FGF12: variants seen among roughly 807,000 people sequenced by gnomAD.
FGF12 encodes fibroblast growth factor 12B.
In FGF12, 14 loss-of-function variants were observed where a neutral mutation model predicts 23.6. The observed-to-expected ratio is 0.59, with a 90% confidence interval of 0.39 to 0.93. FGF12 has a LOEUF of 0.93. Ranked by LOEUF, FGF12 falls within the 40% of genes least tolerant of loss-of-function variation. FGF12 has a pLI of 0.00. For synonymous variants in FGF12, 62 were observed against 77.3 expected, an observed-to-expected ratio of 0.80 and a Z score of 1.04; for missense variants, 175 against 217.8, an observed-to-expected ratio of 0.80 and a Z score of 1.24.
chr3:192,364,337 T>A (rs1718875774), intron 2 of FGF12, among the ~76,000 whole-genome samples: 1 of 152,140 alleles, frequency 6.6e-6, no homozygotes, highest in Non-Finnish European at 1.5e-5. Flanking sequence ...ATTATGCTCT[T>A]CCATTACTGT....
rs1220775469 is a variant in FGF12 at position 192,305,673 on chromosome 3, A to AT, written c.228+29687_228+29688insA. ...GAGAGAAAGGTGGCTTAGGAAAAAA[A>AT]AAAAAAATATATATATATATATAAA... On this transcript the variant is annotated intron_variant, in intron 4 of 5. Coordinates refer to ENST00000445105, the MANE Select transcript of FGF12 (RefSeq NM_004113.6). Among the ~76,000 whole-genome samples the AT allele has an allele frequency of 5.6e-4, 66 of 117,688 alleles. No individual in the cohort carries two copies. In the East Asian group the frequency reaches 0.017, roughly 30 times the overall value. 77.2% of individuals were successfully genotyped at this position (117,688 alleles called of 152,430 possible).
intron 2 of FGF12, among the ~76,000 whole-genome samples, chr3:192,694,263 G>C (rs1255046196): frequency 1.3e-5 from 2 of 152,170 alleles, no homozygotes; most frequent in Non-Finnish European, 2.9e-5. Context: ...CAAGGGTGGT[G>C]AGAAAGGAGA....
chr3:192,504,131 CAAAG>C (rs1237027934), intron 2 of FGF12, among the ~76,000 whole-genome samples: 2 of 151,770 alleles, frequency 1.3e-5, no homozygotes, highest in African/African-American at 4.8e-5. Context: ...AAGTGGGAGA[CAAAG>C]AAAGAGGACA....
chr3:192,678,969 G>A (rs1363954626), intron 2 of FGF12, among the ~76,000 whole-genome samples: 1 of 152,164 alleles, frequency 6.6e-6, no homozygotes, highest in African/African-American at 2.4e-5. Flanking sequence ...GGTTATGCGG[G>A]TGAGGCCCAA....
At chr3:192,373,534 ATAATC>A (rs1367087276) in intron 2 of FGF12, among the ~76,000 whole-genome samples, 1 of 152,242 alleles carries the variant, frequency 6.6e-6, no homozygotes, top group Non-Finnish European at 1.5e-5. Flanking sequence ...CAGTTAAATT[ATAATC>A]TAGACAAACT....
At chr3:192,630,571 T>TC (rs1715349230) in intron 2 of FGF12, among the ~76,000 whole-genome samples, 1 of 150,816 alleles carries the variant, frequency 6.6e-6, no homozygotes. Context: ...TTTTTTTTTT[T>TC]AGATGGAGTC....
intron 2 of FGF12, among the ~76,000 whole-genome samples, chr3:192,605,159 A>C (rs1714284394): frequency 6.6e-6 from 1 of 152,082 alleles, no homozygotes; most frequent in Non-Finnish European, 1.5e-5. Flanking sequence ...TAGGCGGATC[A>C]TCAGGTCAGG....
intron 2 of FGF12, among the ~76,000 whole-genome samples, chr3:192,539,101 TCATCCTTTCC>T (rs1177935919): frequency 1.3e-5 from 2 of 152,208 alleles, no homozygotes; most frequent in African/African-American, 2.4e-5. Flanking sequence ...TAATTTGACT[TCATCCTTTCC>T]AGCGTGGATG....
chr3:192,240,490 T>C (rs1387960012), intron 4 of FGF12, among the ~76,000 whole-genome samples: 2 of 152,204 alleles, frequency 1.3e-5, no homozygotes, highest in African/African-American at 2.4e-5. Flanking sequence ...ACAATAAATG[T>C]AAACTTAGCT....
At chr3:192,490,885 T>C (rs1723782180) in intron 2 of FGF12, among the ~76,000 whole-genome samples, 2 of 152,114 alleles carry the variant, frequency 1.3e-5, no homozygotes, top group African/African-American at 4.8e-5. Flanking sequence ...GGGAGGGCAG[T>C]GACTGGAAGA....
At chr3:192,384,159 C>G (rs1302418628) in intron 2 of FGF12, among the ~76,000 whole-genome samples, 1 of 151,910 alleles carries the variant, frequency 6.6e-6, no homozygotes, top group Non-Finnish European at 1.5e-5. Flanking sequence ...GTAATGGTGG[C>G]AAGAACAGGA....
At chr3:192,327,050 G>C (rs551181754) in intron 4 of FGF12, among the ~76,000 whole-genome samples, 165 of 152,178 alleles carry the variant, frequency 1.1e-3, no homozygotes, top group Admixed American at 2.1e-3. Flanking sequence ...GGTTGTGGAC[G>C]TGAAGACCTA....
At chr3:192,679,949 G>A (rs955628833) in intron 2 of FGF12, among the ~76,000 whole-genome samples, 2 of 152,140 alleles carry the variant, frequency 1.3e-5, no homozygotes, top group African/African-American at 4.8e-5. Flanking sequence ...CTGACACCAG[G>A]TGTATGCCTG....
intron 2 of FGF12, among the ~76,000 whole-genome samples, chr3:192,583,846 G>GTTTTATCT (rs1713260679): frequency 6.6e-6 from 1 of 152,062 alleles, no homozygotes; most frequent in African/African-American, 2.4e-5. Flanking sequence ...TGAAATGATC[G>GTTTTATCT]TTTTATCTTT....
rs913180865 is a variant in FGF12 at position 192,618,844 on chromosome 3, G to A, written c.13+108337C>T. ...AAGAATCCGCCTTAAATTAGCAAAC[G>A]TTCACCAATCCCTACTAAGTGAGAA... On this transcript the variant is annotated intron_variant, in intron 2 of 5. Transcript: ENST00000445105. Among the ~76,000 whole-genome samples the A allele has an allele frequency of 3.3e-5, 5 of 151,886 alleles. 1 individual carries two copies. The highest frequency in any genetic ancestry group is 6.3e-3 in the Middle Eastern group (2 of 316).
At chr3:192,285,350 T>C (rs1714390612) in intron 4 of FGF12, among the ~76,000 whole-genome samples, 2 of 152,046 alleles carry the variant, frequency 1.3e-5, no homozygotes, top group Non-Finnish European at 2.9e-5. Context: ...GTCTAAACCT[T>C]ATGCTCTTTT....
chr3:192,470,590 C>T (rs1237735269), intron 2 of FGF12, among the ~76,000 whole-genome samples: 6 of 152,072 alleles, frequency 3.9e-5, no homozygotes, highest in Admixed American at 6.6e-5. Flanking sequence ...GGTTTCATCA[C>T]GTTGGCCAGG....
chr3:192,496,236 A>G (rs990734135), intron 2 of FGF12, among the ~76,000 whole-genome samples: 2 of 152,172 alleles, frequency 1.3e-5, no homozygotes, highest in East Asian at 1.9e-4. Context: ...AATATCTTAC[A>G]TTGCTTAAAA....
At chr3:192,524,194 C>T (rs1399364269) in intron 2 of FGF12, among the ~76,000 whole-genome samples, 3 of 152,122 alleles carry the variant, frequency 2.0e-5, no homozygotes, top group Non-Finnish European at 4.4e-5. Context: ...TGATGCTGCC[C>T]CTGGTTTTGA....
Sources: allele counts gnomAD v4.1 joint callset (sites outside exome capture counted in the v4.1 genomes callset), GRCh38; gene constraint gnomAD v4.1.1; transcripts MANE v1.5; gene names NCBI Gene and HGNC (gene_info 2026-07-23, HGNC 2026-07-21).